Variants in TRPC4 observed in about 807,000 individuals in gnomAD.
TRPC4 encodes transient receptor potential cation channel subfamily C member 4, also known as short transient receptor potential channel 4.
A neutral mutation model predicts 99.4 loss-of-function variants in TRPC4; 49 were observed. The ratio of observed to expected loss-of-function variants is 0.49; its 90% CI spans 0.39 to 0.63. The LOEUF (loss-of-function observed/expected upper bound fraction) is 0.63, where lower values mean the gene tolerates loss of function less well. Ranked by LOEUF, TRPC4 falls within the 20% of genes least tolerant of loss-of-function variation. The pLI is 0.00. For missense variants in TRPC4, 898 were observed against 1,152.9 expected, an observed-to-expected ratio of 0.78 and a Z score of 3.20; for synonymous variants, 454 against 425.9, an observed-to-expected ratio of 1.07 and a Z score of -0.81.
rs1593305267 is a variant in TRPC4 at position 37,844,347 on chromosome 13, T to G, written c.-28+25248A>C. On this transcript the variant is annotated intron_variant, in intron 1 of 10. Coordinates refer to ENST00000379705, the MANE Select transcript of TRPC4 (RefSeq NM_016179.4). Reference sequence around the variant, plus strand: ...TTCACTCTTGTTGCCCAGGCTGGAGTGCAATGGCACAATCTCGGCTCACTG... The same window carrying G: ...TTCACTCTTGTTGCCCAGGCTGGAGGGCAATGGCACAATCTCGGCTCACTG... Among the ~76,000 whole-genome samples the G allele has an allele frequency of 5.9e-5, 9 of 152,064 alleles. No individual in the cohort carries two copies. The East Asian group carries it at 1.7e-3, about 29-fold the overall frequency.
At chr13:37,685,474 G>T (rs1033013685) in intron 4 of TRPC4, among the ~76,000 whole-genome samples, 1 of 152,166 alleles carries the variant, frequency 6.6e-6, no homozygotes, top group African/African-American at 2.4e-5. Context: ...CAGAGTTACT[G>T]TGAAGTTCGA....
intron 1 of TRPC4, among the ~76,000 whole-genome samples, chr13:37,830,860 C>T (rs1053767292): frequency 6.7e-6 from 1 of 148,376 alleles, no homozygotes; most frequent in Non-Finnish European, 1.5e-5. Context: ...GAAAAGTAAG[C>T]GTAATGTTTT....
rs756661851 is a variant in TRPC4 at position 37,837,417 on chromosome 13, G to T, written c.-28+32178C>A. On this transcript the variant is annotated intron_variant, in intron 1 of 10. Transcript: ENST00000379705. Reference sequence around the variant, plus strand: ...AGGAGGGAAGCTGTGCCCTGCAAAGGCTTGGCTGCCCAAGACCATGGGAAC... The same window carrying T: ...AGGAGGGAAGCTGTGCCCTGCAAAGTCTTGGCTGCCCAAGACCATGGGAAC... Among the ~76,000 whole-genome samples, 5 of 152,192 alleles carry T rather than the reference G, an allele frequency of 3.3e-5. No homozygotes were observed. In the South Asian group the frequency reaches 1.0e-3, roughly 31 times the overall value.
At chr13:37,649,187 TG>T (rs1254643385) in intron 8 of TRPC4, among the ~76,000 whole-genome samples, 1 of 152,226 alleles carries the variant, frequency 6.6e-6, no homozygotes, top group East Asian at 1.9e-4. Flanking sequence ...AGCTGAAGTC[TG>T]GCTTCCTTGA....
At chr13:37,803,437 C>T (rs961777876) in intron 1 of TRPC4, among the ~76,000 whole-genome samples, 1 of 152,000 alleles carries the variant, frequency 6.6e-6, no homozygotes, top group African/African-American at 2.4e-5. Context: ...TATTTGTGCA[C>T]ACACACATCC....
intron 1 of TRPC4, among the ~76,000 whole-genome samples, chr13:37,815,768 T>C (rs943224074): frequency 1.3e-5 from 2 of 151,830 alleles, no homozygotes; most frequent in Non-Finnish European, 2.9e-5. Context: ...CAAACAGGCC[T>C]GACAAACATC....
At chr13:37,696,616 G>C (rs1196808705) in intron 3 of TRPC4, among the ~76,000 whole-genome samples, 2 of 152,146 alleles carry the variant, frequency 1.3e-5, no homozygotes, top group Non-Finnish European at 2.9e-5. Context: ...AGTCTCAGCT[G>C]ACTGCCGGGT....
chr13:37,775,548 G>T (rs1414523691), intron 2 of TRPC4, among the ~76,000 whole-genome samples: 2 of 150,620 alleles, frequency 1.3e-5, no homozygotes, highest in African/African-American at 4.9e-5. Context: ...TAAAGTCAAG[G>T]CTCAAAGGAC....
chr13:37,752,715 C>A (rs185635090), intron 2 of TRPC4, among the ~76,000 whole-genome samples: 11 of 152,056 alleles, frequency 7.2e-5, no homozygotes, highest in Admixed American at 6.6e-4. Flanking sequence ...TTAAATTCCC[C>A]TTTTCCCTAG....
At chr13:37,858,543 G>A (rs962832511) in intron 1 of TRPC4, among the ~76,000 whole-genome samples, 2 of 151,548 alleles carry the variant, frequency 1.3e-5, no homozygotes, top group Non-Finnish European at 3.0e-5. Context: ...GTCAACAGAT[G>A]AATGGATAAA....
chr13:37,753,028 T>A (rs1400454092), intron 2 of TRPC4, among the ~76,000 whole-genome samples: 1 of 151,572 alleles, frequency 6.6e-6, no homozygotes, highest in African/African-American at 2.4e-5. Flanking sequence ...ACTATAGAAA[T>A]GATTTTAATG....
intron 1 of TRPC4, among the ~76,000 whole-genome samples, chr13:37,801,516 G>A (rs116769124): frequency 6.6e-6 from 1 of 152,070 alleles, no homozygotes; most frequent in African/African-American, 2.4e-5. Context: ...ATAAAAAAAG[G>A]TTATAAATCT....
intron 6 of TRPC4, among the ~76,000 whole-genome samples, chr13:37,662,748 G>A (rs7336008): frequency 0.36 from 55,354 of 152,102 alleles, 10,457 homozygotes; most frequent in African/African-American, 0.41. Flanking sequence ...GATATATAGA[G>A]GAATAGCCTA....
At chr13:37,665,528 T>C (rs1952612902) in intron 5 of TRPC4, among the ~76,000 whole-genome samples, 1 of 152,146 alleles carries the variant, frequency 6.6e-6, no homozygotes, top group African/African-American at 2.4e-5. Flanking sequence ...CAAGTATTCA[T>C]AGCCCGGTGA....
chr13:37,705,894 TGTGTATA>T (rs1954258419), intron 3 of TRPC4, among the ~76,000 whole-genome samples: 1 of 152,176 alleles, frequency 6.6e-6, no homozygotes, highest in Non-Finnish European at 1.5e-5. Context: ...GTTACAGGTT[TGTGTATA>T]GTATACTGAT....
At chr13:37,655,365 T>TTATATATATATATATA (rs61181512) in intron 6 of TRPC4, 82 bp from the exon 7 acceptor site, 20 of 370,950 alleles carry the variant, frequency 5.4e-5, no homozygotes, top group African/African-American at 4.4e-4. Flanking sequence ...CTTGGCATGA[T>TTATATATATATATATA]TATATATATA....
intron 3 of TRPC4, among the ~76,000 whole-genome samples, chr13:37,696,541 C>T (rs1330530053): frequency 6.6e-6 from 1 of 152,122 alleles, no homozygotes; most frequent in African/African-American, 2.4e-5. Context: ...GAAGAAAATC[C>T]AAATTCTAGG....
chr13:37,639,651 A>G (rs953550459), intron 8 of TRPC4, among the ~76,000 whole-genome samples: 3 of 151,884 alleles, frequency 2.0e-5, no homozygotes, highest in African/African-American at 7.2e-5. Context: ...AAAATTTAAA[A>G]GTTTTCATAA....
chr13:37,846,846 T>A (rs1305490624), intron 1 of TRPC4, among the ~76,000 whole-genome samples: 1 of 151,818 alleles, frequency 6.6e-6, no homozygotes, highest in Non-Finnish European at 1.5e-5. Context: ...TACACACAGA[T>A]TAAAAGTGAA....
Sources: gnomAD v4.1 joint callset for allele counts (sites outside exome capture counted in the v4.1 genomes callset) on GRCh38, gnomAD v4.1.1 for gene constraint, MANE v1.5 for transcripts, NCBI Gene and HGNC (gene_info 2026-07-23, HGNC 2026-07-21) for gene names.